The following SLC41A2 variants were observed in gnomAD, a reference collection of about 807,000 sequenced individuals.
SLC41A2 encodes the protein solute carrier family 41 member 2, also known as SLC41A1-like 1.
In SLC41A2, 32 loss-of-function variants were observed where a neutral mutation model predicts 58.3. That is an observed-to-expected ratio of 0.55 (90% CI 0.41 to 0.74). The LOEUF is 0.74. SLC41A2 is among the 30% of genes least tolerant of loss of function. The probability of loss-of-function intolerance (pLI) is 0.00; values close to 1 mark genes in which losing one functional copy is unlikely to be tolerated. For missense variants in SLC41A2, 514 were observed against 680.6 expected, an observed-to-expected ratio of 0.76 and a Z score of 2.72; for synonymous variants, 190 against 235.0, an observed-to-expected ratio of 0.81 and a Z score of 1.75.
At chr12:104,820,962 A>G (rs942505314) in intron 10 of SLC41A2, among the ~76,000 whole-genome samples, 3 of 152,184 alleles carry the variant, frequency 2.0e-5, no homozygotes, top group African/African-American at 7.2e-5. Context: ...GGGAATTTCT[A>G]TATCACTCTT....
chr12:104,872,511 A>G (rs2043836566), intron 6 of SLC41A2, among the ~76,000 whole-genome samples: 1 of 152,182 alleles, frequency 6.6e-6, no homozygotes, highest in Non-Finnish European at 1.5e-5. Flanking sequence ...ACACGGGTGG[A>G]TCACTTGAGA....
At chr12:104,920,404 G>C (rs369391866) in intron 2 of SLC41A2, among the ~76,000 whole-genome samples, 1 of 151,878 alleles carries the variant, frequency 6.6e-6, no homozygotes, top group East Asian at 1.9e-4. Context: ...ATTTATCAGA[G>C]AAATTTAACA....
rs1555209869 is a variant in SLC41A2, at chr12:104,892,328, A to AC, written c.735+2945_735+2946insG. 1.8e-3 allele frequency among the ~76,000 whole-genome samples: 223 copies of AC among 126,920 alleles called. 16 individuals carry two copies. Among genetic ancestry groups the AC allele is most frequent in the African/African-American group, 7.3e-3 (196 of 26,932 alleles). The allele number at this position is 126,920 out of a possible 152,430, so 83.3% of individuals were successfully genotyped here. A position where few individuals can be genotyped will look rare whatever the true frequency, so the allele number is the denominator to read the frequency against. ...AAATAAAATAAAATAAAATAAAATA[A>AC]AATAAAATATTGATGCAAGAAATTG... On this transcript the variant is annotated intron_variant, in intron 4 of 10. Transcript: ENST00000258538.
intron 10 of SLC41A2, among the ~76,000 whole-genome samples, chr12:104,810,601 A>C (rs1333781147): frequency 6.6e-6 from 1 of 152,164 alleles, no homozygotes; most frequent in Non-Finnish European, 1.5e-5. Context: ...TTTGTAAATA[A>C]CGTTTTATTG....
chr12:104,812,215 C>T (rs1295912900), intron 10 of SLC41A2, among the ~76,000 whole-genome samples: 1 of 152,254 alleles, frequency 6.6e-6, no homozygotes, highest in East Asian at 1.9e-4. Context: ...GTAAAGCATC[C>T]AGTGAACAGC....
chr12:104,816,370 C>A (rs1205564139), intron 10 of SLC41A2, among the ~76,000 whole-genome samples: 1 of 152,150 alleles, frequency 6.6e-6, no homozygotes, highest in African/African-American at 2.4e-5. Flanking sequence ...TTTTAAAGTG[C>A]ATCACTGAGC....
intron 1 of SLC41A2, among the ~76,000 whole-genome samples, chr12:104,944,506 T>C (rs573026191): frequency 1.6e-3 from 240 of 152,348 alleles, no homozygotes; most frequent in African/African-American, 5.6e-3. Context: ...TGTTACTCAA[T>C]TATCTTGGCA....
intron 6 of SLC41A2, among the ~76,000 whole-genome samples, chr12:104,874,304 G>A (rs1202994805): frequency 6.6e-6 from 1 of 152,046 alleles, no homozygotes; most frequent in African/African-American, 2.4e-5. Context: ...TCCATCTCCT[G>A]ACCTCGTGAT....
chr12:104,913,771 A>T (rs1199439117), intron 2 of SLC41A2, among the ~76,000 whole-genome samples: 1 of 152,118 alleles, frequency 6.6e-6, no homozygotes, highest in Admixed American at 6.6e-5. Flanking sequence ...TATGTACCTC[A>T]TCATTCAAAA....
At chr12:104,870,624 G>T (rs1368549811) in intron 6 of SLC41A2, among the ~76,000 whole-genome samples, 2 of 152,156 alleles carry the variant, frequency 1.3e-5, no homozygotes, top group African/African-American at 4.8e-5. Context: ...CAGCTAAAGT[G>T]GTTCAAATCG....
intron 6 of SLC41A2, among the ~76,000 whole-genome samples, chr12:104,880,608 T>C (rs1270157331): frequency 2.0e-5 from 3 of 152,230 alleles, no homozygotes; most frequent in Non-Finnish European, 4.4e-5. Context: ...GTTAATATGA[T>C]GGATTAAGTT....
chr12:104,817,072 C>T (rs1283015368), intron 10 of SLC41A2, among the ~76,000 whole-genome samples: 1 of 152,164 alleles, frequency 6.6e-6, no homozygotes, highest in African/African-American at 2.4e-5. Context: ...CTACCACACA[C>T]CTGGGCTATA....
chr12:104,909,195 G>C (rs978913045), intron 3 of SLC41A2, among the ~76,000 whole-genome samples: 1 of 152,142 alleles, frequency 6.6e-6, no homozygotes, highest in African/African-American at 2.4e-5. Flanking sequence ...TAGATATGCA[G>C]GTATAGAAGG....
intron 3 of SLC41A2, among the ~76,000 whole-genome samples, chr12:104,906,212 A>G (rs906652861): frequency 9.9e-5 from 15 of 152,246 alleles, no homozygotes; most frequent in African/African-American, 3.6e-4. Flanking sequence ...TGTCACCATT[A>G]TATAAGGAAA....
intron 7 of SLC41A2, among the ~76,000 whole-genome samples, chr12:104,864,374 T>C (rs557734968): frequency 5.3e-5 from 8 of 152,336 alleles, no homozygotes; most frequent in African/African-American, 1.9e-4. Context: ...CTGTATTTTA[T>C]GTTCAAAATA....
At chr12:104,937,893 G>C (rs968489568) in intron 1 of SLC41A2, among the ~76,000 whole-genome samples, 9 of 152,226 alleles carry the variant, frequency 5.9e-5, no homozygotes, top group African/African-American at 2.2e-4. Flanking sequence ...GTGTGAACAA[G>C]GATGTAAGCA....
chr12:104,852,109 G>T (rs2042824088), intron 8 of SLC41A2, among the ~76,000 whole-genome samples: 1 of 152,138 alleles, frequency 6.6e-6, no homozygotes, highest in African/African-American at 2.4e-5. Context: ...AAGTTACTGG[G>T]TAAGCCAATA....
At chr12:104,836,002 G>A (rs2042196348) in intron 10 of SLC41A2, among the ~76,000 whole-genome samples, 2 of 152,128 alleles carry the variant, frequency 1.3e-5, no homozygotes, top group African/African-American at 4.8e-5. Context: ...AAGCCACCAT[G>A]CCCAGCTAAT....
rs148794183 is a variant in SLC41A2 at position 104,865,691 on chromosome 12, A to G, written c.1175+741T>C. On this transcript the variant is annotated intron_variant, in intron 7 of 10. Transcript: ENST00000258538. ...ATTTTTATTCTTTTACTGTCCTTTT[A>G]GTAATTTCAGGAAGGAAAAGAAACG... 1.8e-3 allele frequency among the ~76,000 whole-genome samples: 272 copies of G among 152,120 alleles called. 2 individuals carry two copies. The East Asian group carries it at 0.019, about 11-fold the overall frequency.
Sources: gnomAD v4.1 joint callset for allele counts (sites outside exome capture counted in the v4.1 genomes callset) on GRCh38, gnomAD v4.1.1 for gene constraint, MANE v1.5 for transcripts, NCBI Gene and HGNC (gene_info 2026-07-23, HGNC 2026-07-21) for gene names.